The following MECR variants were observed in gnomAD, a reference collection of about 807,000 sequenced individuals.
The protein encoded by MECR is enoyl-[acyl-carrier-protein] reductase, mitochondrial.
Under a neutral mutation model 49.1 loss-of-function variants are expected in MECR, and 37 were observed. That is an observed-to-expected ratio of 0.75 (90% CI 0.58 to 0.99). The LOEUF (loss-of-function observed/expected upper bound fraction) is 0.99. MECR is among the 50% of genes least tolerant of loss of function. The pLI is 0.00. For synonymous variants in MECR, 198 were observed against 191.1 expected (o/e 1.04, Z -0.30); for missense variants, 470 against 479.6 (o/e 0.98, Z 0.19).
chr1:29,190,527 C>T (rs902230697), downstream of MECR, among the ~76,000 whole-genome samples: 1 of 151,996 alleles, frequency 6.6e-6, no homozygotes, highest in African/African-American at 2.4e-5. Flanking sequence ...GGCGCAGTGG[C>T]TTACACCTGT....
chr1:29,189,685 C>T (rs184912796), downstream of MECR, among the ~76,000 whole-genome samples: 4 of 152,202 alleles, frequency 2.6e-5, no homozygotes, highest in East Asian at 7.7e-4. Context: ...GCTTACCTAC[C>T]TGAAATTCAG....
chr1:29,223,339 G>A, intron 1 of MECR: 1 of 961,754 alleles, frequency 1.0e-6, no homozygotes, highest in South Asian at 4.8e-5. Context: ...AAAGAGGCCA[G>A]TACCCTGGGG....
chr1:29,214,625 T>C (rs898607650), intron 3 of MECR, among the ~76,000 whole-genome samples: 1 of 152,056 alleles, frequency 6.6e-6, no homozygotes, highest in Admixed American at 6.5e-5. Context: ...CCTCCCAAAG[T>C]GCTGGGATTA....
At position 29,202,110 on chromosome 1, in the gene MECR, C is replaced by T. The variant is rs139590890; in HGVS notation, c.654-65G>A. On this transcript the variant is annotated intron_variant, in intron 5 of 9. Transcript: ENST00000263702. ...TTTTTCCACCAAAGCCCCCCAGGACCTCTCTGCCACAGCTGGGAGAACCCG... is the reference window on the plus strand; with the variant it reads ...TTTTTCCACCAAAGCCCCCCAGGACTTCTCTGCCACAGCTGGGAGAACCCG... 8.6e-3 allele frequency: 11,559 copies of T among 1,344,042 alleles called. 79 individuals carry two copies. Among genetic ancestry groups the T allele is most frequent in the Non-Finnish European group, 0.011 (10,221 of 939,810 alleles). The allele number at this position is 1,344,042 out of a possible 1,614,324, so 83.3% of individuals were successfully genotyped here.
At chr1:29,224,167 T>C (rs1444223613) in intron 1 of MECR, 1 of 152,094 alleles carries the variant, frequency 6.6e-6, no homozygotes, top group Non-Finnish European at 1.5e-5. Flanking sequence ...CCAGGGAAAC[T>C]CCACTACAAG....
the MECR span, chr1:29,172,103 A>G: frequency 6.6e-6 from 1 of 152,110 alleles, no homozygotes; most frequent in South Asian, 2.1e-4. Flanking sequence ...AAAAAATAAT[A>G]CACTTTTTTG....
intron 1 of MECR, 69 bp from the exon 2 acceptor site, chr1:29,216,754 T>C: frequency 6.2e-7 from 1 of 1,608,994 alleles, no homozygotes. Flanking sequence ...TCAAATCATC[T>C]CCTCAAAGTA....
intron 7 of MECR, among the ~76,000 whole-genome samples, chr1:29,197,130 G>C (rs534727651): frequency 1.3e-5 from 2 of 152,168 alleles, no homozygotes; most frequent in Non-Finnish European, 2.9e-5. Flanking sequence ...GTTTAGCCAG[G>C]ATTGGGAATC....
the MECR span, chr1:29,170,252 A>C: frequency 6.6e-6 from 1 of 152,018 alleles, no homozygotes; most frequent in South Asian, 2.1e-4. Flanking sequence ...AAACGATTTG[A>C]AAAAACTCGA....
At chr1:29,220,757 C>T in intron 1 of MECR, 1 of 316,602 alleles carries the variant, frequency 3.2e-6, no homozygotes, top group Non-Finnish European at 4.6e-6. Context: ...GAATATTCCT[C>T]CGTAAAATGG....
rs1675363251 is a variant in MECR at position 29,201,738 on chromosome 1, T to G, written c.756+205A>C. Among the ~76,000 whole-genome samples the G allele has an allele frequency of 6.6e-6, 1 of 152,202 alleles. No individual in the cohort carries two copies. The highest frequency in any genetic ancestry group is 1.5e-5 in the Non-Finnish European group (1 of 68,040). On this transcript the variant is annotated intron_variant, in intron 6 of 9. Coordinates refer to ENST00000263702, the MANE Select transcript of MECR (RefSeq NM_016011.5). The surrounding 1 kb of genome is among the most constrained non-coding windows in gnomAD (Gnocchi z 4.3). ...CATACTGGGTTTCCTAAACTCTGTT[T>G]CTCATGCCTCCCTCCCAGCATCTGG...
At chr1:29,225,751 C>T (rs1458982284) in intron 1 of MECR, among the ~76,000 whole-genome samples, 1 of 152,212 alleles carries the variant, frequency 6.6e-6, no homozygotes, top group African/African-American at 2.4e-5. Flanking sequence ...AATCAAGTCA[C>T]CTGCAGTTTT....
At chr1:29,202,327 A>G (rs1300130701) in intron 5 of MECR, among the ~76,000 whole-genome samples, 3 of 152,076 alleles carry the variant, frequency 2.0e-5, no homozygotes, top group African/African-American at 7.2e-5. Flanking sequence ...AAGTCACTTA[A>G]CTTCCTGATT....
chr1:29,202,894 C>T (rs1675657672), intron 5 of MECR, among the ~76,000 whole-genome samples: 1 of 152,196 alleles, frequency 6.6e-6, no homozygotes, highest in African/African-American at 2.4e-5. Flanking sequence ...AGGGCAGTCT[C>T]CACCTCCTTC....
chr1:29,203,658 C>G (rs1675872298), intron 4 of MECR, among the ~76,000 whole-genome samples: 1 of 152,214 alleles, frequency 6.6e-6, no homozygotes, highest in Non-Finnish European at 1.5e-5. Context: ...CTTCATGAAG[C>G]CTTCCTGGAT....
At chr1:29,175,564 G>A in the MECR span, among the ~76,000 whole-genome samples, 93 of 149,166 alleles carry the variant, frequency 6.2e-4, no homozygotes, top group East Asian at 0.013. Flanking sequence ...GAGCGGTGGC[G>A]GGCTCCTGTA....
Position 29,193,775 on chromosome 1 carries a change from C to T in MECR, c.*247G>A. ...GGGCCTCTTGGTGCTGTGAGCTGAC[C>T]AGTGCACAGTGTTGGTCCTTCTCGA... On this transcript the variant is annotated 3_prime_UTR_variant, in exon 10 of 10. Transcript: ENST00000263702. The T allele has an allele frequency of 4.2e-6, 2 of 479,262 alleles. No individual in the cohort carries two copies. The highest frequency in any genetic ancestry group is 2.5e-5 in the South Asian group (1 of 40,070). The allele number at this position is 479,262 out of a possible 1,614,324, so 29.7% of individuals were successfully genotyped here.
At chr1:29,211,934 C>A (rs946240047) in intron 3 of MECR, among the ~76,000 whole-genome samples, 5 of 152,198 alleles carry the variant, frequency 3.3e-5, no homozygotes, top group Non-Finnish European at 7.3e-5. Context: ...TAAGAACTTA[C>A]CTGTTTAATA....
intron 1 of MECR, chr1:29,220,813 G>A (rs1558495936): frequency 4.5e-6 from 3 of 662,902 alleles, no homozygotes; most frequent in Middle Eastern, 7.6e-4. Flanking sequence ...GTTAATGTAT[G>A]TAAAGCATTT....
Sources: gnomAD v4.1 joint callset for allele counts (sites outside exome capture counted in the v4.1 genomes callset) on GRCh38, gnomAD v4.1.1 for gene constraint, Gnocchi (gnomAD v3.1) non-coding constraint, MANE v1.5 for transcripts, NCBI Gene and HGNC (gene_info 2026-07-23, HGNC 2026-07-21) for gene names.